The following DNAH14 variants were observed in gnomAD, a reference collection of about 807,000 sequenced individuals.
DNAH14 encodes the protein dynein axonemal heavy chain 14.
Under a neutral mutation model 520.9 loss-of-function variants are expected in DNAH14, and 478 were observed. That is an observed-to-expected ratio of 0.92 (90% CI 0.85 to 0.99). The LOEUF (loss-of-function observed/expected upper bound fraction) is 0.99, where lower values mean the gene tolerates loss of function less well. DNAH14 is among the 50% of genes least tolerant of loss of function. The pLI, the probability that DNAH14 is intolerant of heterozygous loss-of-function variation, is 0.00. For synonymous variants in DNAH14, 1,581 were observed against 1,757.2 expected (o/e 0.90, Z 2.51); for missense variants, 4,831 against 5,234.5 (o/e 0.92, Z 2.38).
chr1:225,151,879 C>T (rs964851332), intron 31 of DNAH14, 126 bp from the exon 32 acceptor site: 2 of 833,490 alleles, frequency 2.4e-6, no homozygotes, highest in Non-Finnish European at 4.0e-6. Context: ...ATTGTTTTTT[C>T]CAGTGTGCTC....
At chr1:225,302,623 T>C (rs756552582) in intron 56 of DNAH14, among the ~76,000 whole-genome samples, 4 of 152,148 alleles carry the variant, frequency 2.6e-5, no homozygotes, top group South Asian at 2.1e-4. Context: ...CCAGGTCTTA[T>C]GAGGAAAAGG....
intron 64 of DNAH14, among the ~76,000 whole-genome samples, 188 bp downstream of exon 64, chr1:225,325,020 TA>T (rs1370353965): frequency 2.6e-5 from 4 of 151,902 alleles, no homozygotes; most frequent in Non-Finnish European, 5.9e-5. Flanking sequence ...TTTTAGTGCC[TA>T]CCACATAATA....
intron 2 of DNAH14, chr1:224,954,362 C>CAT (rs557524779): frequency 1.0e-3 from 156 of 152,132 alleles, no homozygotes; most frequent in African/African-American, 3.8e-3. Context: ...CTTAACACTA[C>CAT]ATATAAGACT....
intron 8 of DNAH14, among the ~76,000 whole-genome samples, chr1:224,985,486 G>A (rs2062566598): frequency 6.6e-6 from 1 of 152,042 alleles, no homozygotes; most frequent in Admixed American, 6.6e-5. Context: ...GTGGGGGTGA[G>A]GGGTAAAAGA....
At chr1:225,007,363 A>C in intron 9 of DNAH14, 50 bp from the exon 10 acceptor site, 5 of 1,387,784 alleles carry the variant, frequency 3.6e-6, no homozygotes, top group Non-Finnish European at 3.8e-6. Context: ...ATCTTTTTTA[A>C]ATATGAATTT....
chr1:224,943,144 T>C (rs1391695079), intron 1 of DNAH14, among the ~76,000 whole-genome samples: 1 of 152,244 alleles, frequency 6.6e-6, no homozygotes, highest in East Asian at 1.9e-4. Context: ...TGGACTTTTA[T>C]GGTTGGTAAG....
chr1:224,997,819 G>A (rs1406687283), intron 8 of DNAH14, among the ~76,000 whole-genome samples: 1 of 151,754 alleles, frequency 6.6e-6, no homozygotes, highest in South Asian at 2.1e-4. Context: ...ATGAGTTCAT[G>A]TCCTTTGTAG....
chr1:225,130,220 G>A (rs2078241524), intron 27 of DNAH14, among the ~76,000 whole-genome samples: 1 of 152,102 alleles, frequency 6.6e-6, no homozygotes, highest in Non-Finnish European at 1.5e-5. Flanking sequence ...CACTGTTGGT[G>A]GGACTGTAAA....
intron 55 of DNAH14, among the ~76,000 whole-genome samples, chr1:225,291,155 T>C (rs974618444): frequency 1.3e-5 from 2 of 152,164 alleles, no homozygotes; most frequent in African/African-American, 4.8e-5. Flanking sequence ...CCTGGCTTAC[T>C]ACACTTAGCA....
intron 27 of DNAH14, among the ~76,000 whole-genome samples, chr1:225,124,439 A>G (rs1004924163): frequency 1.3e-5 from 2 of 152,250 alleles, no homozygotes; most frequent in Admixed American, 6.5e-5. Context: ...TTTATGTAAT[A>G]TACTAAATCC....
rs115774572 is a variant in DNAH14, at chr1:225,031,245, C to G, written c.1358+7380C>G. 5.0e-3 allele frequency among the ~76,000 whole-genome samples: 766 copies of G among 152,198 alleles called. 6 individuals carry two copies. The highest frequency in any genetic ancestry group is 0.017 in the African/African-American group (723 of 41,558). On this transcript the variant is annotated intron_variant, in intron 11 of 85. Transcript: ENST00000682510. ...CTGTAACCTTACTAAGCTCACTTATCATTTGTAATAACTTTTCTTTGGTAG... is the reference window on the plus strand; with the variant it reads ...CTGTAACCTTACTAAGCTCACTTATGATTTGTAATAACTTTTCTTTGGTAG...
At chr1:225,335,829 G>C (rs1199509298) in intron 66 of DNAH14, among the ~76,000 whole-genome samples, 1 of 99,034 alleles carries the variant, frequency 1.0e-5, no homozygotes, top group Non-Finnish European at 2.1e-5. Flanking sequence ...ATACACATAT[G>C]TACATATATG....
At chr1:225,027,050 G>T (rs574776463) in intron 11 of DNAH14, among the ~76,000 whole-genome samples, 1 of 151,130 alleles carries the variant, frequency 6.6e-6, no homozygotes, top group Admixed American at 6.6e-5. Flanking sequence ...TTTATTTTTC[G>T]GTTGTTCATT....
intron 8 of DNAH14, among the ~76,000 whole-genome samples, chr1:224,997,687 G>T (rs1053721039): frequency 6.6e-6 from 1 of 151,944 alleles, no homozygotes; most frequent in African/African-American, 2.4e-5. Flanking sequence ...TGGGCCTGGA[G>T]ATTGCTTCTT....
intron 17 of DNAH14, among the ~76,000 whole-genome samples, chr1:225,059,643 A>G (rs2069725454): frequency 6.6e-6 from 1 of 152,186 alleles, no homozygotes; most frequent in Non-Finnish European, 1.5e-5. Context: ...ACAATTTGGC[A>G]TGTTTTTGCA....
intron 50 of DNAH14, 26 bp downstream of exon 50, chr1:225,270,892 T>TA: frequency 6.5e-7 from 1 of 1,534,658 alleles, no homozygotes; most frequent in Non-Finnish European, 8.8e-7. Context: ...CATTTTCTAC[T>TA]GAAAAAAATT....
chr1:225,319,251 A>C (rs2094518463), intron 61 of DNAH14, among the ~76,000 whole-genome samples: 1 of 152,202 alleles, frequency 6.6e-6, no homozygotes, highest in Admixed American at 6.5e-5. Context: ...ATGATTGAAG[A>C]GAATACATAA....
intron 54 of DNAH14, among the ~76,000 whole-genome samples, chr1:225,278,479 T>G (rs1401785271): frequency 6.6e-6 from 1 of 152,190 alleles, no homozygotes; most frequent in Non-Finnish European, 1.5e-5. Flanking sequence ...GTTTTCTCTG[T>G]TCCCTAACGC....
At chr1:225,055,944 A>C (rs1032455175) in intron 17 of DNAH14, among the ~76,000 whole-genome samples, 2 of 152,066 alleles carry the variant, frequency 1.3e-5, no homozygotes, top group Non-Finnish European at 2.9e-5. Context: ...ATTGTTGGAT[A>C]TTTGGCTTAG....
Sources: gnomAD v4.1 joint callset for allele counts (sites outside exome capture counted in the v4.1 genomes callset) on GRCh38, gnomAD v4.1.1 for gene constraint, MANE v1.5 for transcripts, NCBI Gene and HGNC (gene_info 2026-07-23, HGNC 2026-07-21) for gene names.